Variants in ROBO1 observed in about 807,000 individuals in gnomAD.
ROBO1 encodes roundabout homolog 1.
A neutral mutation model predicts 195.9 loss-of-function variants in ROBO1; 149 were observed. The ratio of observed to expected loss-of-function variants is 0.76; its 90% CI spans 0.67 to 0.87. The LOEUF is 0.87. Ranked by LOEUF, ROBO1 falls within the 40% of genes least tolerant of loss-of-function variation. ROBO1 has a pLI of 0.00. For synonymous variants in ROBO1, 816 were observed against 733.2 expected, an observed-to-expected ratio of 1.11 and a Z score of -1.82; for missense variants, 1,933 against 2,068.3, an observed-to-expected ratio of 0.93 and a Z score of 1.27.
At chr3:79,326,327 G>A (rs970806478) in intron 2 of ROBO1, among the ~76,000 whole-genome samples, 2 of 152,070 alleles carry the variant, frequency 1.3e-5, no homozygotes, top group South Asian at 2.1e-4. Context: ...TTGAAAATCC[G>A]TAATAAAAAC....
chr3:79,283,790 C>T (rs1450212955), intron 2 of ROBO1, among the ~76,000 whole-genome samples: 4 of 151,406 alleles, frequency 2.6e-5, no homozygotes, highest in African/African-American at 7.3e-5. Context: ...CTCCGCCTCC[C>T]GGGTTCACGC....
intron 2 of ROBO1, among the ~76,000 whole-genome samples, chr3:79,347,336 G>C (rs866152844): frequency 3.9e-5 from 6 of 152,158 alleles, no homozygotes; most frequent in Admixed American, 3.3e-4. Context: ...TTGATATGAG[G>C]ATTCTGCAGA....
At chr3:79,060,072 G>A (rs924839013) in intron 3 of ROBO1, among the ~76,000 whole-genome samples, 5 of 151,946 alleles carry the variant, frequency 3.3e-5, no homozygotes, top group Non-Finnish European at 7.4e-5. Flanking sequence ...TAAAATGGTC[G>A]CTCTGAGAGT....
intron 2 of ROBO1, among the ~76,000 whole-genome samples, chr3:79,134,863 G>T (rs1316098233): frequency 8.7e-6 from 1 of 115,186 alleles, no homozygotes; most frequent in Non-Finnish European, 1.7e-5. Flanking sequence ...ACAGGAAGGG[G>T]AATATCATAC....
chr3:78,901,240 A>G (rs1451223329), intron 4 of ROBO1, among the ~76,000 whole-genome samples: 1 of 152,214 alleles, frequency 6.6e-6, no homozygotes, highest in Non-Finnish European at 1.5e-5. Context: ...TTATGCCATG[A>G]CAATCAAGAA....
rs1702894053 is a variant in ROBO1 at position 78,597,514 on chromosome 3, A to G, written c.*1399T>C. On this transcript the variant is annotated 3_prime_UTR_variant, in exon 31 of 31. Coordinates refer to ENST00000464233, the MANE Select transcript of ROBO1 (RefSeq NM_002941.4). The stretch of plus-strand genomic sequence containing the variant: ...GTTTTCCACTGGGGTCAGACCTGAT[A>G]CTTATCTATCTATGAATAAATGTAC... The G allele has an allele frequency of 6.6e-6, 1 of 152,458 alleles. No individual in the cohort carries two copies. The highest frequency in any genetic ancestry group is 2.4e-5 in the African/African-American group (1 of 41,384). 9.4% of individuals were successfully genotyped at this position (152,458 alleles called of 1,614,324 possible).
intron 3 of ROBO1, among the ~76,000 whole-genome samples, chr3:79,078,519 C>T (rs1052180600): frequency 6.6e-6 from 1 of 151,770 alleles, no homozygotes; most frequent in Non-Finnish European, 1.5e-5. Flanking sequence ...ACTATTTTTA[C>T]ACTTTCCAAC....
intron 4 of ROBO1, among the ~76,000 whole-genome samples, chr3:78,929,653 C>A (rs1163267780): frequency 6.6e-6 from 1 of 151,890 alleles, no homozygotes; most frequent in African/African-American, 2.4e-5. Context: ...CAGGCATGCA[C>A]CACCACGCCC....
chr3:79,637,168 C>A lies in ROBO1; in HGVS notation c.-50-47207G>T, dbSNP rs1337293452. Among the ~76,000 whole-genome samples, 3 of 152,040 alleles carry A rather than the reference C, an allele frequency of 2.0e-5. No homozygotes were observed. The East Asian group carries it at 5.8e-4, about 29-fold the overall frequency. ...ATCACGGAAGTTCTACTGGACAGCC[C>A]TGAAATAGAACAAGTAATTAATATC... is the stretch of plus-strand genomic sequence containing the variant. On this transcript the variant is annotated intron_variant, in intron 1 of 30. Coordinates refer to ENST00000464233, the MANE Select transcript of ROBO1 (RefSeq NM_002941.4).
chr3:79,207,612 G>T (rs1158376534), intron 2 of ROBO1, among the ~76,000 whole-genome samples: 4 of 152,114 alleles, frequency 2.6e-5, no homozygotes, highest in African/African-American at 9.7e-5. Flanking sequence ...TTAGGTGGAT[G>T]AAAAGCCAAT....
chr3:79,511,084 A>G (rs1940678901), intron 2 of ROBO1, among the ~76,000 whole-genome samples: 1 of 152,166 alleles, frequency 6.6e-6, no homozygotes. Flanking sequence ...GATGACCATC[A>G]GCACAACACA....
At chr3:79,206,023 T>C (rs1226862234) in intron 2 of ROBO1, among the ~76,000 whole-genome samples, 9 of 152,164 alleles carry the variant, frequency 5.9e-5, no homozygotes, top group Non-Finnish European at 1.3e-4. Context: ...CTGTGGCCAA[T>C]TGTGGTCTGA....
chr3:79,143,707 A>C (rs1031193647), intron 2 of ROBO1, among the ~76,000 whole-genome samples: 1 of 152,010 alleles, frequency 6.6e-6, no homozygotes, highest in South Asian at 2.1e-4. Context: ...TATACATTTT[A>C]CCTCGTTTCC....
intron 1 of ROBO1, among the ~76,000 whole-genome samples, chr3:79,723,264 A>C (rs1702778440): frequency 2.6e-5 from 4 of 152,064 alleles, no homozygotes; most frequent in Non-Finnish European, 4.4e-5. Flanking sequence ...AGGTGATCTT[A>C]TTTTCCATGC....
Position 78,633,915 on chromosome 3 carries a change from C to G in ROBO1, c.3481+20G>C. 1.3e-6 allele frequency: 2 copies of G among 1,522,564 alleles called. No homozygotes were observed. Among genetic ancestry groups the G allele is most frequent in the Non-Finnish European group, 1.8e-6 (2 of 1,103,466 alleles). 94.3% of individuals were successfully genotyped at this position (1,522,564 alleles called of 1,614,324 possible). On this transcript the variant is annotated intron_variant, in intron 24 of 30. Coordinates refer to ENST00000464233, the MANE Select transcript of ROBO1 (RefSeq NM_002941.4). ...GTACCAGCTTTTTAAAGGAGAAGTT[C>G]TTTGGTTCATCTTACTTACCAGATG...
intron 4 of ROBO1, among the ~76,000 whole-genome samples, chr3:78,825,268 G>T (rs949746380): frequency 2.6e-5 from 4 of 152,282 alleles, no homozygotes; most frequent in East Asian, 3.9e-4. Context: ...AATCAGTTTG[G>T]TGTCAGCAGA....
At chr3:79,554,088 T>A (rs1202823289) in intron 2 of ROBO1, among the ~76,000 whole-genome samples, 1 of 152,010 alleles carries the variant, frequency 6.6e-6, no homozygotes, top group Non-Finnish European at 1.5e-5. Context: ...AATTCAAGAT[T>A]CACTTTACTC....
chr3:79,595,355 C>A (rs1944132523), intron 1 of ROBO1, among the ~76,000 whole-genome samples: 1 of 151,954 alleles, frequency 6.6e-6, no homozygotes, highest in Non-Finnish European at 1.5e-5. Flanking sequence ...AAAAGCATTT[C>A]TTTGAGCACG....
rs1335249881 is a variant in ROBO1, at chr3:79,676,060, TTGA to T, written c.-50-86102_-50-86100del. Among the ~76,000 whole-genome samples, 11 of 152,096 alleles carry T rather than the reference TTGA, an allele frequency of 7.2e-5. No homozygotes were observed. The East Asian group carries it at 1.2e-3, about 16-fold the overall frequency. ...CTCTTGTGAATCTATTTTGTTGTTG[TTGA>T]TGGTGGTGGTGGTGGTTTTACGGAG... On this transcript the variant is annotated intron_variant, in intron 1 of 30. Transcript: ENST00000464233.
Sources: gnomAD v4.1 joint callset for allele counts (sites outside exome capture counted in the v4.1 genomes callset) on GRCh38, gnomAD v4.1.1 for gene constraint, MANE v1.5 for transcripts, NCBI Gene and HGNC (gene_info 2026-07-23, HGNC 2026-07-21) for gene names.